The following PTPRD variants were observed in gnomAD, a reference collection of about 807,000 sequenced individuals.
PTPRD encodes protein tyrosine phosphatase receptor type D.
PTPRD carries 34 observed loss-of-function variants against 214.5 expected under a neutral mutation model. The observed-to-expected ratio is 0.16, with a 90% confidence interval of 0.12 to 0.21. PTPRD has a LOEUF of 0.21. Ranked by LOEUF, PTPRD falls within the 10% of genes least tolerant of loss-of-function variation. The pLI, the probability that PTPRD is intolerant of heterozygous loss-of-function variation, is 1.00. For missense variants in PTPRD, 2,545 were observed against 2,398.7 expected (o/e 1.06, Z -1.27); for synonymous variants, 1,128 against 845.7 (o/e 1.33, Z -5.79).
At chr9:9,698,848 T>A (rs1380573204) in intron 7 of PTPRD, among the ~76,000 whole-genome samples, 1 of 152,204 alleles carries the variant, frequency 6.6e-6, no homozygotes, top group African/African-American at 2.4e-5. Context: ...AAAGTCTGAT[T>A]AGCCTAACAA....
chr9:8,422,597 A>C (rs2094439094), intron 35 of PTPRD, among the ~76,000 whole-genome samples: 1 of 152,182 alleles, frequency 6.6e-6, no homozygotes, highest in Non-Finnish European at 1.5e-5. Context: ...AAATCCTCAA[A>C]TATAACTTCA....
intron 10 of PTPRD, among the ~76,000 whole-genome samples, chr9:9,178,648 G>T (rs116395704): frequency 1.6e-3 from 243 of 152,170 alleles, no homozygotes; most frequent in African/African-American, 5.6e-3. Context: ...TTTTAGAGCT[G>T]AAAAGCATTT....
chr9:10,457,423 T>C (rs1427552940), intron 2 of PTPRD, among the ~76,000 whole-genome samples: 2 of 152,056 alleles, frequency 1.3e-5, no homozygotes, highest in Non-Finnish European at 2.9e-5. Context: ...ATATAGTCTA[T>C]AAAGTCTTGG....
intron 11 of PTPRD, among the ~76,000 whole-genome samples, chr9:8,953,737 A>C (rs2099116140): frequency 6.6e-6 from 1 of 152,100 alleles, no homozygotes; most frequent in Non-Finnish European, 1.5e-5. Flanking sequence ...ACCCACAAAC[A>C]TATGAAAAAA....
rs1285134173 is a variant in PTPRD at position 9,674,663 on chromosome 9, T to C, written c.-287+59870A>G. ...CTTGAAATGCTAACTAAGCGAATTA[T>C]ATTAATCTTAGGCAAAATCAGCATT... On this transcript the variant is annotated intron_variant, in intron 7 of 45. Transcript: ENST00000381196. 4.6e-5 allele frequency among the ~76,000 whole-genome samples: 7 copies of C among 151,884 alleles called. No individual in the cohort carries two copies. The South Asian group carries it at 1.2e-3, about 27-fold the overall frequency.
At chr9:10,194,697 A>G (rs2099390570) in intron 3 of PTPRD, among the ~76,000 whole-genome samples, 1 of 151,952 alleles carries the variant, frequency 6.6e-6, no homozygotes, top group South Asian at 2.1e-4. Flanking sequence ...ATTGGTTACA[A>G]TGTTCAAAGA....
At chr9:10,315,406 A>G (rs566092207) in intron 3 of PTPRD, among the ~76,000 whole-genome samples, 3 of 152,056 alleles carry the variant, frequency 2.0e-5, no homozygotes, top group Non-Finnish European at 2.9e-5. Flanking sequence ...ATCTATCAGT[A>G]TACTTACCTC....
intron 2 of PTPRD, among the ~76,000 whole-genome samples, chr9:10,363,511 T>A (rs1365587565): frequency 6.6e-6 from 1 of 152,214 alleles, no homozygotes; most frequent in African/African-American, 2.4e-5. Flanking sequence ...TTCTTCAAGC[T>A]CCACTTGGGG....
chr9:10,406,459 G>A (rs1306079551), intron 2 of PTPRD, among the ~76,000 whole-genome samples: 1 of 151,518 alleles, frequency 6.6e-6, no homozygotes, highest in Non-Finnish European at 1.5e-5. Flanking sequence ...AGTGAACTGT[G>A]TGTACCCTAT....
intron 5 of PTPRD, among the ~76,000 whole-genome samples, chr9:9,832,075 CCT>C (rs2055047790): frequency 1.3e-5 from 2 of 151,908 alleles, no homozygotes. Context: ...CCTAAAAACA[CCT>C]CTCCAGTATA....
chr9:9,683,272 G>C (rs939202970), intron 7 of PTPRD, among the ~76,000 whole-genome samples: 1 of 151,708 alleles, frequency 6.6e-6, no homozygotes, highest in South Asian at 2.1e-4. Context: ...TTAAAGGAGG[G>C]TGTGGGAATA....
chr9:10,225,443 C>A (rs1161224524), intron 3 of PTPRD, among the ~76,000 whole-genome samples: 1 of 151,986 alleles, frequency 6.6e-6, no homozygotes, highest in Non-Finnish European at 1.5e-5. Flanking sequence ...AAACTAATGA[C>A]AAGTTAGCTC....
At chr9:9,824,324 A>G (rs768404704) in intron 5 of PTPRD, among the ~76,000 whole-genome samples, 1 of 151,940 alleles carries the variant, frequency 6.6e-6, no homozygotes, top group Non-Finnish European at 1.5e-5. Context: ...ACTGAAATTT[A>G]TTTTATATTA....
intron 8 of PTPRD, among the ~76,000 whole-genome samples, chr9:9,447,281 A>G (rs1209541049): frequency 6.6e-6 from 1 of 152,214 alleles, no homozygotes; most frequent in African/African-American, 2.4e-5. Flanking sequence ...TCCAGCAATG[A>G]TAGACTGGAT....
chr9:8,333,440 T>C (rs997473210), intron 43 of PTPRD, among the ~76,000 whole-genome samples: 2 of 152,194 alleles, frequency 1.3e-5, no homozygotes, highest in Non-Finnish European at 2.9e-5. Context: ...CAGAATTGCA[T>C]ATCCAGCCAA....
chr9:10,131,462 A>G (rs1412168549), intron 3 of PTPRD, among the ~76,000 whole-genome samples: 1 of 152,194 alleles, frequency 6.6e-6, no homozygotes, highest in African/African-American at 2.4e-5. Context: ...TCTTTGAAGT[A>G]TGTCTAAGAT....
intron 9 of PTPRD, among the ~76,000 whole-genome samples, chr9:9,245,940 C>T (rs1039544513): frequency 6.6e-6 from 1 of 151,918 alleles, no homozygotes; most frequent in Non-Finnish European, 1.5e-5. Flanking sequence ...TTTAAAAGTC[C>T]AGTCTGAGAT....
intron 8 of PTPRD, among the ~76,000 whole-genome samples, chr9:9,571,780 A>T (rs1471486302): frequency 6.6e-6 from 1 of 151,088 alleles, no homozygotes; most frequent in Non-Finnish European, 1.5e-5. Context: ...ACATTAAATT[A>T]TTAAATAACT....
intron 4 of PTPRD, among the ~76,000 whole-genome samples, chr9:9,960,787 C>A (rs573257846): frequency 6.6e-6 from 1 of 152,142 alleles, no homozygotes; most frequent in East Asian, 1.9e-4. Flanking sequence ...ATGTAATATC[C>A]ATGAACATTT....
Sources: allele counts gnomAD v4.1 joint callset (sites outside exome capture counted in the v4.1 genomes callset), GRCh38; gene constraint gnomAD v4.1.1; transcripts MANE v1.5; gene names NCBI Gene and HGNC (gene_info 2026-07-23, HGNC 2026-07-21).